CLCN3: variants seen among roughly 807,000 people sequenced by gnomAD.
CLCN3 encodes H(+)/Cl(-) exchange transporter 3.
A neutral mutation model predicts 83.4 loss-of-function variants in CLCN3; 16 were observed. That is an observed-to-expected ratio of 0.19 (90% confidence interval 0.13 to 0.29). The LOEUF (loss-of-function observed/expected upper bound fraction) is 0.29, where lower values mean the gene tolerates loss of function less well. Among genes scored for constraint, CLCN3 ranks in the 10% least tolerant of loss-of-function variants. The pLI is 1.00. For synonymous variants in CLCN3, 322 were observed against 346.2 expected, an observed-to-expected ratio of 0.93 and a Z score of 0.78; for missense variants, 544 against 1,006.0, an observed-to-expected ratio of 0.54 and a Z score of 6.21.
chr4:169,702,592 A>T (rs1035400971), intron 9 of CLCN3, among the ~76,000 whole-genome samples: 2 of 151,056 alleles, frequency 1.3e-5, no homozygotes, highest in Non-Finnish European at 1.5e-5. Context: ...AGGATTACTT[A>T]AAAAAAAAGT....
chr4:169,623,177 T>C (rs964087762), intron 1 of CLCN3, among the ~76,000 whole-genome samples: 2 of 152,222 alleles, frequency 1.3e-5, no homozygotes, highest in Admixed American at 1.3e-4. Flanking sequence ...GTTTCTGTCT[T>C]TTAAAATCAT....
intron 2 of CLCN3, among the ~76,000 whole-genome samples, chr4:169,663,310 T>A (rs528180847): frequency 2.8e-3 from 132 of 47,582 alleles, no homozygotes; most frequent in Non-Finnish European, 8.4e-3. Flanking sequence ...CCTAAGTGGG[T>A]TTTTTTGTTG....
At chr4:169,625,963 G>A (rs879356585) in intron 1 of CLCN3, among the ~76,000 whole-genome samples, 5 of 152,164 alleles carry the variant, frequency 3.3e-5, no homozygotes, top group South Asian at 4.1e-4. Context: ...GTGCCCCCCG[G>A]TTCCAATACG....
intron 2 of CLCN3, among the ~76,000 whole-genome samples, chr4:169,637,252 TAC>T (rs1194528812): frequency 1.3e-5 from 2 of 151,896 alleles, no homozygotes; most frequent in Admixed American, 1.3e-4. Context: ...CAGATACATG[TAC>T]GGTATTGCAG....
In CLCN3 at chr4:169,722,389, C is replaced by G. The variant is rs1733665999; in HGVS notation, c.*2392C>G. On this transcript the variant is annotated 3_prime_UTR_variant, in exon 13 of 13. Transcript: ENST00000513761. ...CTTCAAGTTTTCTTCATAGCCCTTT[C>G]AAAGTTTTTTGAGCCATCCAGAGTA... 1 of 152,204 alleles carries G rather than the reference C, an allele frequency of 6.6e-6. No homozygotes were observed. The allele number at this position is 152,204 out of a possible 1,614,324, so 9.4% of individuals were successfully genotyped here.
At chr4:169,660,509 C>T in intron 2 of CLCN3, 2 of 1,177,802 alleles carry the variant, frequency 1.7e-6, no homozygotes, top group Middle Eastern at 2.1e-4. Flanking sequence ...GCTGGGCGGT[C>T]CTCTAGCTTA....
intron 5 of CLCN3, among the ~76,000 whole-genome samples, chr4:169,689,568 G>T (rs1357247171): frequency 6.6e-6 from 1 of 152,138 alleles, no homozygotes; most frequent in African/African-American, 2.4e-5. Context: ...TGGGAAGTTT[G>T]AATTATGAAA....
intron 1 of CLCN3, among the ~76,000 whole-genome samples, chr4:169,622,107 C>T (rs531990313): frequency 6.6e-6 from 1 of 152,328 alleles, no homozygotes; most frequent in Non-Finnish European, 1.5e-5. Flanking sequence ...CCCTTACTCC[C>T]CTCAGCACCT....
intron 1 of CLCN3, among the ~76,000 whole-genome samples, chr4:169,633,471 G>A (rs1230303229): frequency 6.6e-6 from 1 of 151,582 alleles, no homozygotes. Context: ...TGCTGTGTTA[G>A]AGTCTAAATA....
rs549280085 is a variant in CLCN3, at chr4:169,653,262, G to A, written c.160+17174G>A. Among the ~76,000 whole-genome samples, 5 of 152,130 alleles carry A rather than the reference G, an allele frequency of 3.3e-5. No homozygotes were observed. In the East Asian group the frequency reaches 9.7e-4, roughly 29 times the overall value. The stretch of plus-strand genomic sequence containing the variant: ...TGTGTGTGTGTGTATGTGTTAGAGT[G>A]TATTCATTTTTTTCTCATATAGATA... On this transcript the variant is annotated intron_variant, in intron 2 of 12. Transcript: ENST00000513761.
At chr4:169,658,930 A>T (rs551502096) in intron 2 of CLCN3, among the ~76,000 whole-genome samples, 3 of 152,180 alleles carry the variant, frequency 2.0e-5, no homozygotes, top group African/African-American at 7.2e-5. Flanking sequence ...TTTTAAAAAG[A>T]CCCTAAATAA....
At chr4:169,679,892 A>C (rs1156593418) in intron 2 of CLCN3, among the ~76,000 whole-genome samples, 158 bp from the exon 3 acceptor site, 1 of 121,494 alleles carries the variant, frequency 8.2e-6, no homozygotes, top group Non-Finnish European at 1.9e-5. Context: ...GGAGTCGGAG[A>C]CGAGGGAGAG....
At chr4:169,717,659 T>A in intron 12 of CLCN3, 1 of 509,390 alleles carries the variant, frequency 2.0e-6, no homozygotes, top group East Asian at 3.0e-5. Context: ...CATTTTGTTT[T>A]TATTTTCTAA....
chr4:169,656,572 A>G (rs1315620794), intron 2 of CLCN3, among the ~76,000 whole-genome samples: 1 of 152,230 alleles, frequency 6.6e-6, no homozygotes, highest in Non-Finnish European at 1.5e-5. Context: ...TCCAAACCAT[A>G]TTACAACCAT....
intron 2 of CLCN3, among the ~76,000 whole-genome samples, chr4:169,677,275 G>C (rs1466454776): frequency 1.3e-5 from 2 of 152,058 alleles, no homozygotes; most frequent in Non-Finnish European, 2.9e-5. Context: ...AAAGTCTGCT[G>C]TACAGACTTT....
chr4:169,659,276 G>A (rs369684429), intron 2 of CLCN3, among the ~76,000 whole-genome samples: 8 of 152,010 alleles, frequency 5.3e-5, no homozygotes, highest in South Asian at 2.1e-4. Context: ...AGCATTGTGC[G>A]GTTTTTGTTT....
chr4:169,669,981 C>T (rs1271395791), intron 2 of CLCN3, among the ~76,000 whole-genome samples: 1 of 151,958 alleles, frequency 6.6e-6, no homozygotes, highest in Admixed American at 6.6e-5. Context: ...TTGTTTTTTT[C>T]TTGTACATTT....
intron 3 of CLCN3, among the ~76,000 whole-genome samples, chr4:169,683,672 C>CT (rs1291773306): frequency 6.6e-6 from 1 of 151,904 alleles, no homozygotes; most frequent in African/African-American, 2.4e-5. Flanking sequence ...TTGATCCATG[C>CT]TTATATGAAC....
chr4:169,718,756 T>C (rs2150281052), intron 12 of CLCN3, among the ~76,000 whole-genome samples: 1 of 152,368 alleles, frequency 6.6e-6, no homozygotes, highest in East Asian at 1.9e-4. Flanking sequence ...TGTATTCCTG[T>C]GTGTATGCTA....
Sources: gnomAD v4.1 joint callset for allele counts (sites outside exome capture counted in the v4.1 genomes callset) on GRCh38, gnomAD v4.1.1 for gene constraint, MANE v1.5 for transcripts, NCBI Gene and HGNC (gene_info 2026-07-23, HGNC 2026-07-21) for gene names.